Variants in RBFOX1 observed in about 807,000 individuals in gnomAD.
RBFOX1 encodes RNA binding fox-1 homolog 1.
RBFOX1 carries 8 observed loss-of-function variants against 57.7 expected under a neutral mutation model. That is an observed-to-expected ratio of 0.14 (90% CI 0.08 to 0.25). RBFOX1 has a LOEUF of 0.25. RBFOX1 is among the 10% of genes least tolerant of loss of function. The pLI is 1.00. For missense variants in RBFOX1, 611 were observed against 548.5 expected (o/e 1.11, Z -1.14); for synonymous variants, 326 against 222.4 (o/e 1.47, Z -4.15).
chr16:7,072,522 A>C (rs1160341248), intron 4 of RBFOX1, among the ~76,000 whole-genome samples: 1 of 152,224 alleles, frequency 6.6e-6, no homozygotes, highest in Admixed American at 6.5e-5. Flanking sequence ...ACATGTTTGC[A>C]AATACCAGTG....
At chr16:7,698,369 T>A (rs1215814145) in intron 14 of RBFOX1, among the ~76,000 whole-genome samples, 1 of 151,828 alleles carries the variant, frequency 6.6e-6, no homozygotes, top group African/African-American at 2.4e-5. Flanking sequence ...GGGGTGAGGG[T>A]AGGGTCTGCA....
At chr16:6,713,379 C>A (rs997629213) in intron 3 of RBFOX1, among the ~76,000 whole-genome samples, 1 of 152,108 alleles carries the variant, frequency 6.6e-6, no homozygotes, top group African/African-American at 2.4e-5. Context: ...CCATCTCTCA[C>A]CAAATTCTGT....
chr16:7,571,722 G>T (rs943786606), intron 5 of RBFOX1, among the ~76,000 whole-genome samples: 1 of 152,150 alleles, frequency 6.6e-6, no homozygotes, highest in Non-Finnish European at 1.5e-5. Context: ...GCCAAGTGCC[G>T]CCTGGAAACC....
chr16:7,487,099 C>T (rs1029094828), intron 4 of RBFOX1, among the ~76,000 whole-genome samples: 2 of 152,056 alleles, frequency 1.3e-5, no homozygotes, highest in African/African-American at 4.8e-5. Flanking sequence ...GAGGTTTCTC[C>T]ATGTTGGGCA....
At chr16:6,810,496 G>C (rs1246619742) in intron 3 of RBFOX1, among the ~76,000 whole-genome samples, 1 of 152,158 alleles carries the variant, frequency 6.6e-6, no homozygotes, top group Non-Finnish European at 1.5e-5. Flanking sequence ...CATGAGTCTT[G>C]ATTCTGTGAA....
chr16:7,189,514 A>T (rs17670460), intron 4 of RBFOX1, among the ~76,000 whole-genome samples: 10 of 146,984 alleles, frequency 6.8e-5, no homozygotes, highest in Non-Finnish European at 1.5e-4. Context: ...TCTCCAGTTT[A>T]GAATACATTG....
chr16:6,340,955 G>T (rs1225238485), intron 2 of RBFOX1, among the ~76,000 whole-genome samples: 3 of 152,018 alleles, frequency 2.0e-5, no homozygotes, highest in Non-Finnish European at 4.4e-5. Context: ...AAAACCAGAA[G>T]AAAAAAGGGG....
At chr16:5,650,329 T>C (rs896278498) in intron 3 of RBFOX1, among the ~76,000 whole-genome samples, 9 of 145,448 alleles carry the variant, frequency 6.2e-5, no homozygotes, top group South Asian at 2.4e-4. Context: ...GCCACGGCGG[T>C]GGTGGTGGTG....
chr16:6,439,375 C>A (rs1293605789), intron 2 of RBFOX1, among the ~76,000 whole-genome samples: 2 of 152,184 alleles, frequency 1.3e-5, no homozygotes, highest in Non-Finnish European at 2.9e-5. Flanking sequence ...GCATGATTAA[C>A]GTGCTCTGAG....
chr16:7,242,822 C>T (rs2094131911), intron 4 of RBFOX1, among the ~76,000 whole-genome samples: 1 of 152,158 alleles, frequency 6.6e-6, no homozygotes, highest in Non-Finnish European at 1.5e-5. Context: ...GATTCAGACC[C>T]GACTGACTTT....
At chr16:5,852,476 C>T (rs886362330) in intron 3 of RBFOX1, among the ~76,000 whole-genome samples, 12 of 152,182 alleles carry the variant, frequency 7.9e-5, no homozygotes, top group Non-Finnish European at 1.5e-4. Context: ...ATGCAAAGTG[C>T]ACTTTTATAC....
At chr16:6,924,166 C>CAAA (rs2075075227) in intron 3 of RBFOX1, among the ~76,000 whole-genome samples, 2 of 86,880 alleles carry the variant, frequency 2.3e-5, no homozygotes, top group Admixed American at 1.2e-4. Flanking sequence ...GACTCTGTCT[C>CAAA]AAAAATAATA....
intron 3 of RBFOX1, among the ~76,000 whole-genome samples, chr16:6,730,238 T>G (rs140604137): frequency 1.3e-5 from 2 of 152,052 alleles, no homozygotes; most frequent in Admixed American, 6.6e-5. Context: ...ATGGTTCATA[T>G]AGGGAGATGG....
intron 4 of RBFOX1, among the ~76,000 whole-genome samples, chr16:7,168,919 A>G (rs1027292760): frequency 2.6e-5 from 4 of 152,320 alleles, no homozygotes; most frequent in Admixed American, 6.5e-5. Flanking sequence ...AATGTCATAT[A>G]TATTTTTAAA....
intron 4 of RBFOX1, among the ~76,000 whole-genome samples, chr16:7,477,720 A>G (rs370401535): frequency 1.3e-5 from 2 of 152,176 alleles, no homozygotes; most frequent in African/African-American, 4.8e-5. Flanking sequence ...TCAGACTTCA[A>G]GGTGGCATTG....
intron 2 of RBFOX1, among the ~76,000 whole-genome samples, chr16:6,617,041 C>T (rs532791822): frequency 3.3e-5 from 5 of 152,060 alleles, no homozygotes; most frequent in Non-Finnish European, 7.4e-5. Flanking sequence ...TGTTGATTAC[C>T]GGTATACAGT....
intron 3 of RBFOX1, among the ~76,000 whole-genome samples, chr16:6,754,713 T>A (rs1028986494): frequency 2.6e-5 from 4 of 151,712 alleles, no homozygotes; most frequent in Non-Finnish European, 5.9e-5. Context: ...GTTTTTTTTT[T>A]ATTATTATAG....
At chr16:7,159,699 C>G (rs1022045425) in intron 4 of RBFOX1, among the ~76,000 whole-genome samples, 2 of 152,172 alleles carry the variant, frequency 1.3e-5, no homozygotes, top group African/African-American at 4.8e-5. Flanking sequence ...CTGCCAAGTA[C>G]AAATGTGGCT....
intron 2 of RBFOX1, among the ~76,000 whole-genome samples, chr16:6,580,498 G>A (rs576828442): frequency 6.6e-6 from 1 of 152,258 alleles, no homozygotes; most frequent in African/African-American, 2.4e-5. Context: ...AACTCCGTAA[G>A]ACATAATCCC....
Sources: allele counts gnomAD v4.1 joint callset (sites outside exome capture counted in the v4.1 genomes callset), GRCh38; gene constraint gnomAD v4.1.1; transcripts MANE v1.5; gene names NCBI Gene and HGNC (gene_info 2026-07-23, HGNC 2026-07-21).